Variants in PUDP observed in about 807,000 individuals in gnomAD.
The protein encoded by PUDP is pseudouridine 5'-phosphatase.
PUDP carries 8 observed loss-of-function variants against 9.4 expected under a neutral mutation model. The observed-to-expected ratio is 0.85, with a 90% CI of 0.50 to 1.53. PUDP has a LOEUF of 1.53. Ranked by LOEUF, PUDP falls within the 40% of genes most tolerant of loss-of-function variation. The pLI is 0.00. For missense variants in PUDP, 188 were observed against 189.7 expected (o/e 0.99, Z 0.05); for synonymous variants, 99 against 80.7 (o/e 1.23, Z -1.22).
chrX:7,100,910 C>T (rs1931711620), intron 2 of PUDP, among the ~76,000 whole-genome samples: 1 of 112,047 alleles, frequency 8.9e-6, no homozygotes, highest in Admixed American at 9.5e-5. Flanking sequence ...GGCTTGCTTT[C>T]CCTTCAGGTT....
At chrX:6,878,185 G>A (rs929519614) in intron 3 of PUDP, among the ~76,000 whole-genome samples, 2 of 111,758 alleles carry the variant, frequency 1.8e-5, no homozygotes, top group African/African-American at 3.3e-5. Flanking sequence ...AGAAGGGTCT[G>A]CTTTGTTTAG....
intron 3 of PUDP, among the ~76,000 whole-genome samples, chrX:7,069,355 G>A (rs1930661401): frequency 9.0e-6 from 1 of 111,500 alleles, no homozygotes; most frequent in African/African-American, 3.3e-5. Flanking sequence ...GGTCATCTGG[G>A]AGAGCAAGAT....
At chrX:7,057,046 C>T (rs1930264629) in intron 3 of PUDP, among the ~76,000 whole-genome samples, 1 of 112,190 alleles carries the variant, frequency 8.9e-6, no homozygotes, top group African/African-American at 3.2e-5. Flanking sequence ...AGCACCTTGG[C>T]GGCTTATCAC....
chrX:7,035,216 C>T (rs1483556276), intron 1 of PUDP, among the ~76,000 whole-genome samples: 12 of 111,204 alleles, frequency 1.1e-4, no homozygotes, highest in East Asian at 2.8e-4. Flanking sequence ...ACTTTTTATA[C>T]GATATATATG....
At chrX:6,963,805 A>G (rs762145610) in intron 3 of PUDP, among the ~76,000 whole-genome samples, 2 of 112,089 alleles carry the variant, frequency 1.8e-5, no homozygotes, top group Admixed American at 9.5e-5. Context: ...TCATATGCAC[A>G]ATATTTGGGC....
chrX:6,739,393 G>T, intron 3 of PUDP, among the ~76,000 whole-genome samples: 1 of 111,630 alleles, frequency 9.0e-6, no homozygotes, highest in African/African-American at 3.3e-5. Flanking sequence ...TCTGTTTGTG[G>T]GACCTTATTT....
intron 3 of PUDP, among the ~76,000 whole-genome samples, chrX:6,933,038 G>A (rs1432149565): frequency 1.8e-5 from 2 of 110,787 alleles, no homozygotes; most frequent in Non-Finnish European, 3.8e-5. Context: ...ACCTCTGGGG[G>A]CAGGGCACAG....
At chrX:6,737,168 C>T (rs1177245035) in intron 3 of PUDP, among the ~76,000 whole-genome samples, 2 of 111,022 alleles carry the variant, frequency 1.8e-5, no homozygotes, top group Non-Finnish European at 1.9e-5. Flanking sequence ...CCAAAAGCTG[C>T]ACGAGATAAG....
At chrX:6,839,799 G>T (rs186974839) in intron 3 of PUDP, among the ~76,000 whole-genome samples, 11 of 110,712 alleles carry the variant, frequency 9.9e-5, no homozygotes, top group Admixed American at 8.7e-4. Flanking sequence ...TTTGGAAGAC[G>T]GTTTGGCAGT....
chrX:6,908,239 C>T (rs1927797487), intron 3 of PUDP, among the ~76,000 whole-genome samples: 1 of 112,594 alleles, frequency 8.9e-6, no homozygotes, highest in Admixed American at 9.4e-5. Flanking sequence ...AACCCGAGCA[C>T]TCCTACATAT....
intron 3 of PUDP, among the ~76,000 whole-genome samples, chrX:6,886,481 C>A (rs761683485): frequency 3.3e-4 from 37 of 112,130 alleles, no homozygotes; most frequent in African/African-American, 1.2e-3. Context: ...TACTCATGGT[C>A]CAAGAAATTC....
intron 3 of PUDP, among the ~76,000 whole-genome samples, chrX:6,926,603 A>G (rs1282991323): frequency 9.2e-6 from 1 of 108,125 alleles, no homozygotes; most frequent in East Asian, 2.8e-4. Flanking sequence ...TTTAGTCTAC[A>G]AACAGTTATT....
At chrX:7,141,259 T>C (rs1015807078) in intron 1 of PUDP, among the ~76,000 whole-genome samples, 1 of 112,673 alleles carries the variant, frequency 8.9e-6, no homozygotes, top group Non-Finnish European at 1.9e-5. Context: ...ATTAGCCAAG[T>C]TGTGAATGCA....
chrX:6,830,154 G>A (rs1394036887), intron 3 of PUDP, among the ~76,000 whole-genome samples: 1 of 109,981 alleles, frequency 9.1e-6, no homozygotes, highest in African/African-American at 3.3e-5. Context: ...CACAGATCAG[G>A]CCTAGATAAG....
At chrX:6,782,922 C>T (rs1004435206) in intron 3 of PUDP, among the ~76,000 whole-genome samples, 1 of 111,657 alleles carries the variant, frequency 9.0e-6, no homozygotes, top group African/African-American at 3.3e-5. Flanking sequence ...ACATGGGCAT[C>T]TTTTACAAAC....
intron 3 of PUDP, among the ~76,000 whole-genome samples, chrX:6,965,396 A>G (rs1171196426): frequency 8.9e-6 from 1 of 112,603 alleles, no homozygotes; most frequent in Non-Finnish European, 1.9e-5. Flanking sequence ...GTTATAACCC[A>G]TGAAACAATA....
intron 3 of PUDP, among the ~76,000 whole-genome samples, chrX:6,823,357 T>A (rs772357676): frequency 8.9e-6 from 1 of 112,182 alleles, no homozygotes; most frequent in East Asian, 2.8e-4. Flanking sequence ...TCACCATGAA[T>A]GTATGCAGGC....
intron 3 of PUDP, among the ~76,000 whole-genome samples, chrX:6,878,584 C>T (rs1035159894): frequency 8.9e-6 from 1 of 111,811 alleles, no homozygotes; most frequent in African/African-American, 3.2e-5. Flanking sequence ...TCTCAAACTC[C>T]TGGCCTGAAG....
At chrX:7,085,919 G>A (rs1342863869) in intron 2 of PUDP, among the ~76,000 whole-genome samples, 1 of 111,589 alleles carries the variant, frequency 9.0e-6, no homozygotes, top group Admixed American at 9.5e-5. Flanking sequence ...ACTTGCCTAC[G>A]AAAACTCAAG....
Sources: gnomAD v4.1 joint callset for allele counts (sites outside exome capture counted in the v4.1 genomes callset) on GRCh38, gnomAD v4.1.1 for gene constraint, MANE v1.5 for transcripts, NCBI Gene and HGNC (gene_info 2026-07-23, HGNC 2026-07-21) for gene names.